UBTD2: variants seen among roughly 807,000 people sequenced by gnomAD.
UBTD2 encodes ubiquitin domain containing 2.
UBTD2 carries 9 observed loss-of-function variants against 19.8 expected under a neutral mutation model. The ratio of observed to expected loss-of-function variants is 0.46; its 90% CI spans 0.27 to 0.79. The LOEUF is 0.79. Among genes scored for constraint, UBTD2 ranks in the 30% least tolerant of loss-of-function variants. UBTD2 has a pLI of 0.14. For missense variants in UBTD2, 250 were observed against 300.4 expected, an observed-to-expected ratio of 0.83 and a Z score of 1.24; for synonymous variants, 98 against 103.9, an observed-to-expected ratio of 0.94 and a Z score of 0.35.
chr5:172,239,687 C>T (rs1209804689), intron 1 of UBTD2, among the ~76,000 whole-genome samples: 3 of 152,120 alleles, frequency 2.0e-5, no homozygotes, highest in Non-Finnish European at 4.4e-5. Context: ...TCCCAAAGTG[C>T]TGGGATTACA....
intron 2 of UBTD2, among the ~76,000 whole-genome samples, chr5:172,219,806 G>A (rs144556517): frequency 1.3e-5 from 2 of 152,184 alleles, no homozygotes; most frequent in African/African-American, 4.8e-5. Context: ...CGTGACAAGC[G>A]ATTAGTTCAG....
rs527867205 is a variant in UBTD2, at chr5:172,254,837, G to A, written c.71-20479C>T. ...TATTTTAATTTTTTTCTCTGGTACA[G>A]GATTTTCTTATGATTCAATTACAGG... On this transcript the variant is annotated intron_variant, in intron 1 of 2. Coordinates refer to ENST00000393792, the MANE Select transcript of UBTD2 (RefSeq NM_152277.3). 5.4e-6 allele frequency: 3 copies of A among 550,740 alleles called. No homozygotes were observed. In the Admixed American group the frequency reaches 8.1e-5, roughly 15 times the overall value. The allele number at this position is 550,740 out of a possible 1,614,324, so 34.1% of individuals were successfully genotyped here.
chr5:172,254,800 A>C (rs1755105538), intron 1 of UBTD2: 3 of 549,334 alleles, frequency 5.5e-6, no homozygotes, highest in African/African-American at 3.9e-5. Flanking sequence ...TCTGTGGTTC[A>C]ATCCCAGGTT....
Position 172,234,264 on chromosome 5 carries a change from A to G in UBTD2, c.165T>C (p.Asp55=). 1.2e-6 allele frequency: 2 copies of G among 1,614,112 alleles called. No individual in the cohort carries two copies. Among genetic ancestry groups the G allele is most frequent in the Non-Finnish European group, 1.7e-6 (2 of 1,180,032 alleles). ...MTDGQLRSKR[D]EFWDTAPAFE... Reference sequence around the variant, plus strand: ...AAGCTGGTGCTGTATCCCAAAATTCATCCCTCTTGCTGCGTAGTTGTCCAT... The same window carrying G: ...AAGCTGGTGCTGTATCCCAAAATTCGTCCCTCTTGCTGCGTAGTTGTCCAT... The change falls in exon 2 of 3, where the codon GAT becomes GAC. Residue 55 remains aspartate (D), a synonymous_variant. Coordinates refer to ENST00000393792, the MANE Select transcript of UBTD2 (RefSeq NM_152277.3).
At chr5:172,225,870 A>C (rs1771751635) in intron 2 of UBTD2, among the ~76,000 whole-genome samples, 1 of 151,964 alleles carries the variant, frequency 6.6e-6, no homozygotes, top group African/African-American at 2.4e-5. Flanking sequence ...GCCTCTTCCA[A>C]AGCCTGTAGG....
At chr5:172,240,334 C>A (rs1772101707) in intron 1 of UBTD2, among the ~76,000 whole-genome samples, 1 of 152,144 alleles carries the variant, frequency 6.6e-6, no homozygotes, top group African/African-American at 2.4e-5. Context: ...TCTGCCTAGA[C>A]AAGTTAGATA....
chr5:172,222,391 C>T (rs1242105263), intron 2 of UBTD2, among the ~76,000 whole-genome samples: 1 of 152,192 alleles, frequency 6.6e-6, no homozygotes, highest in Non-Finnish European at 1.5e-5. Context: ...TAGACATTTA[C>T]TGATCATCTT....
chr5:172,215,931 A>C (rs1259887689), intron 2 of UBTD2, among the ~76,000 whole-genome samples: 1 of 152,224 alleles, frequency 6.6e-6, no homozygotes, highest in Non-Finnish European at 1.5e-5. Flanking sequence ...TGGGAGGTTG[A>C]GGCGGGGGTA....
chr5:172,250,172 G>A (rs1754969283), intron 1 of UBTD2, among the ~76,000 whole-genome samples: 1 of 152,034 alleles, frequency 6.6e-6, no homozygotes, highest in South Asian at 2.1e-4. Flanking sequence ...GCAGTGAGCC[G>A]AGATAGCACC....
At chr5:172,235,531 C>T (rs1320088745) in intron 1 of UBTD2, among the ~76,000 whole-genome samples, 2 of 130,544 alleles carry the variant, frequency 1.5e-5, no homozygotes, top group Middle Eastern at 3.9e-3. Flanking sequence ...AAGGGATTAG[C>T]TCCGAACCAC....
intron 1 of UBTD2, among the ~76,000 whole-genome samples, chr5:172,250,661 G>A (rs768185297): frequency 1.1e-4 from 16 of 152,062 alleles, no homozygotes; most frequent in Non-Finnish European, 2.1e-4. Context: ...CTATACAGTA[G>A]ATATTAGCAT....
intron 1 of UBTD2, among the ~76,000 whole-genome samples, chr5:172,274,146 T>C (rs1236621866): frequency 6.8e-6 from 1 of 147,058 alleles, no homozygotes; most frequent in African/African-American, 2.5e-5. Context: ...TTTTTTTTTT[T>C]TTTTTTTTTT....
intron 2 of UBTD2, among the ~76,000 whole-genome samples, chr5:172,233,387 T>C (rs1186374762): frequency 1.3e-5 from 2 of 152,002 alleles, no homozygotes; most frequent in Non-Finnish European, 2.9e-5. Flanking sequence ...AAATAAAAAA[T>C]GTAAATACAA....
chr5:172,233,521 T>G (rs1057270165), intron 2 of UBTD2, among the ~76,000 whole-genome samples: 2 of 152,194 alleles, frequency 1.3e-5, no homozygotes, highest in African/African-American at 2.4e-5. Flanking sequence ...CTTACAGTTA[T>G]CCTTAAAAGA....
intron 1 of UBTD2, among the ~76,000 whole-genome samples, chr5:172,279,811 T>C (rs1755673390): frequency 6.6e-6 from 1 of 152,224 alleles, no homozygotes; most frequent in Non-Finnish European, 1.5e-5. Context: ...AGCATCACAA[T>C]GTCATTCTAG....
chr5:172,280,456 G>C (rs1407571501), intron 1 of UBTD2, among the ~76,000 whole-genome samples: 1 of 146,354 alleles, frequency 6.8e-6, no homozygotes, highest in Admixed American at 7.1e-5. Context: ...GCTGCAGTGA[G>C]CAGAGATCGT....
intron 1 of UBTD2, among the ~76,000 whole-genome samples, chr5:172,249,400 T>TGAAA (rs1490544927): frequency 2.2e-4 from 8 of 37,088 alleles, no homozygotes; most frequent in Admixed American, 1.6e-3. Flanking sequence ...CTCCGTCTCA[T>TGAAA]GAAAAAAAAA....
chr5:172,233,023 G>A (rs1223540416), intron 2 of UBTD2, among the ~76,000 whole-genome samples: 1 of 152,116 alleles, frequency 6.6e-6, no homozygotes, highest in African/African-American at 2.4e-5. Context: ...GCTGAGGCAC[G>A]AGAATCACTT....
chr5:172,257,903 T>C (rs1304151456), intron 1 of UBTD2, among the ~76,000 whole-genome samples: 1 of 152,232 alleles, frequency 6.6e-6, no homozygotes, highest in African/African-American at 2.4e-5. Flanking sequence ...ATTCAGGGTT[T>C]TAGACCTTTG....
Sources: gnomAD v4.1 joint callset for allele counts (sites outside exome capture counted in the v4.1 genomes callset) on GRCh38, gnomAD v4.1.1 for gene constraint, MANE v1.5 for transcripts, NCBI Gene and HGNC (gene_info 2026-07-23, HGNC 2026-07-21) for gene names.